Variants in ZFHX3 observed in about 807,000 individuals in gnomAD.
ZFHX3 encodes the protein zinc finger homeobox 3.
ZFHX3 carries 42 observed loss-of-function variants against 279.1 expected under a neutral mutation model. The ratio of observed to expected loss-of-function variants is 0.15; its 90% CI spans 0.12 to 0.19. The LOEUF is 0.19. Among genes scored for constraint, ZFHX3 ranks in the 10% least tolerant of loss-of-function variants. The probability of loss-of-function intolerance (pLI) is 1.00; values close to 1 mark genes in which losing one functional copy is unlikely to be tolerated. For missense variants in ZFHX3, 4,981 were observed against 4,754.0 expected (o/e 1.05, Z -1.40); for synonymous variants, 2,293 against 1,957.8 (o/e 1.17, Z -4.52).
chr16:72,935,213 C>A (rs933114772), intron 3 of ZFHX3, among the ~76,000 whole-genome samples: 1 of 152,156 alleles, frequency 6.6e-6, no homozygotes, highest in African/African-American at 2.4e-5. Context: ...GTGGCTTGTA[C>A]ATGGGACAGG....
Position 72,794,085 on chromosome 16 carries a change from T to G in ZFHX3, c.8597A>C (p.Lys2866Thr). 1 of 1,614,188 alleles carries G rather than the reference T, an allele frequency of 6.2e-7. No individual in the cohort carries two copies. The highest frequency in any genetic ancestry group is 8.5e-7 in the Non-Finnish European group (1 of 1,180,020). Residue 2866 changes from lysine to threonine, a missense_variant, in exon 9 of 10, where the codon AAA becomes ACA. By Grantham distance (78) the Lys-to-Thr change is moderately conservative (BLOSUM62 -1). Transcript: ENST00000268489. The surrounding 1 kb of genome is among the most constrained non-coding windows in gnomAD (Gnocchi z 4.2). ...CCCTTCGTTGGGTGCAGAAGAGGAT[T>G]TGGTTTCAGTTGCTATTCCCGTTGC... ...DSATGIATET[K>T]SSSAPNEGLT...
chr16:73,569,425 G>A (rs1477750268), intron 2 of ZFHX3, among the ~76,000 whole-genome samples: 2 of 149,888 alleles, frequency 1.3e-5, no homozygotes, highest in Admixed American at 1.3e-4. Context: ...TAAAAACTCC[G>A]AAAGAGATAC....
intron 4 of ZFHX3, among the ~76,000 whole-genome samples, chr16:73,290,040 C>T (rs1398783200): frequency 7.1e-6 from 1 of 140,380 alleles, no homozygotes; most frequent in East Asian, 1.9e-4. Context: ...CACACACACA[C>T]ACACACACAC....
chr16:73,514,155 G>T (rs1014411176), intron 2 of ZFHX3, among the ~76,000 whole-genome samples: 1 of 152,054 alleles, frequency 6.6e-6, no homozygotes, highest in African/African-American at 2.4e-5. Context: ...GGCTGAGGCA[G>T]AAGAATCCCT....
chr16:73,227,973 C>G (rs1335033804), intron 5 of ZFHX3, among the ~76,000 whole-genome samples: 4 of 149,202 alleles, frequency 2.7e-5, no homozygotes, highest in African/African-American at 9.9e-5. Context: ...ACACCTATAA[C>G]TTTATTTAAC....
At chr16:73,732,137 T>C (rs1220748769) in intron 1 of ZFHX3, among the ~76,000 whole-genome samples, 2 of 152,204 alleles carry the variant, frequency 1.3e-5, no homozygotes, top group East Asian at 1.9e-4. Flanking sequence ...TTCTAGACTA[T>C]GTAATATTCA....
rs186389447 is a variant in ZFHX3 at position 72,938,815 on chromosome 16, C to T, written c.3216+11654G>A. 2.4e-3 allele frequency among the ~76,000 whole-genome samples: 371 copies of T among 152,202 alleles called. 2 individuals are homozygous for T. The highest frequency in any genetic ancestry group is 4.5e-3 in the Admixed American group (69 of 15,282). On this transcript the variant is annotated intron_variant, in intron 3 of 9. Transcript: ENST00000268489. ...CTGGAGGAGTTGTTTGGTCTTCCTC[C>T]GCTGACAGCTGCAGCCATCACTAAT... is the stretch of plus-strand genomic sequence containing the variant.
Position 73,770,548 on chromosome 16 carries a change from GATAATAAT to G in ZFHX3, c.-1607-90316_-1607-90309del, listed in dbSNP as rs1454129620. On this transcript the variant is annotated intron_variant, in intron 1 of 17. Transcript: ENST00000641206. Reference sequence around the variant, plus strand: ...ATATCAATGTCAAACAAAACATTTAGATAATAATATCACTCTCAAGCATAAGAGTCATA... The same window carrying G: ...ATATCAATGTCAAACAAAACATTTAGATCACTCTCAAGCATAAGAGTCATA... Among the ~76,000 whole-genome samples, 6 of 152,260 alleles carry G rather than the reference GATAATAAT, an allele frequency of 3.9e-5. No homozygotes were observed. The East Asian group carries it at 9.6e-4, about 24-fold the overall frequency.
At chr16:73,321,849 C>G (rs985664442) in intron 3 of ZFHX3, among the ~76,000 whole-genome samples, 19 of 150,870 alleles carry the variant, frequency 1.3e-4, no homozygotes, top group Non-Finnish European at 2.1e-4. Context: ...GAGAAAAAGA[C>G]AGAGAGAGAG....
At chr16:73,417,361 G>A (rs1015125624) in intron 3 of ZFHX3, among the ~76,000 whole-genome samples, 22 of 147,682 alleles carry the variant, frequency 1.5e-4, no homozygotes, top group Non-Finnish European at 2.5e-4. Flanking sequence ...TATTAGTATT[G>A]TACCCATTAA....
chr16:73,801,633 G>C (rs1018712781), intron 1 of ZFHX3, among the ~76,000 whole-genome samples: 1 of 152,194 alleles, frequency 6.6e-6, no homozygotes, highest in Non-Finnish European at 1.5e-5. Flanking sequence ...TACAAAACAA[G>C]TGCAGAAGTC....
chr16:72,787,988 C>T lies in ZFHX3; in HGVS notation c.10288G>A (p.Glu3430Lys). 6.2e-7 allele frequency: 1 copy of T among 1,613,118 alleles called. No homozygotes were observed. The highest frequency in any genetic ancestry group is 8.5e-7 in the Non-Finnish European group (1 of 1,179,874). The stretch of plus-strand genomic sequence containing the variant: ...AGTTTCGGCAGGAGGGGGGACACCT[C>T]ACGGGGGGTGTTTTTCTGTTCTTCT... ...KPEEQKNTPR[E>K]VSPLLPKLPE... Residue 3430 changes from glutamate (E) to lysine (K), a missense_variant, in exon 10 of 10, where the codon GAG becomes AAG. Physicochemically the swap from Glu to Lys is moderately conservative, Grantham distance 56. Around this residue, in one of 7 missense-constraint regions of ZFHX3, gnomAD observed 1,034 missense variants for 786.0 expected, o/e 1.32. Transcript: ENST00000268489.
intron 3 of ZFHX3, among the ~76,000 whole-genome samples, chr16:73,384,918 G>A (rs2016872598): frequency 1.3e-5 from 2 of 152,174 alleles, no homozygotes; most frequent in African/African-American, 4.8e-5. Flanking sequence ...ACGTTACCCT[G>A]ATTGGTTCAG....
intron 3 of ZFHX3, among the ~76,000 whole-genome samples, chr16:73,339,659 T>G (rs1205049088): frequency 6.6e-6 from 1 of 152,216 alleles, no homozygotes; most frequent in African/African-American, 2.4e-5. Context: ...ACCATTGAGA[T>G]AAGCCAACTA....
At chr16:73,350,599 C>T (rs528507701) in intron 3 of ZFHX3, among the ~76,000 whole-genome samples, 6 of 152,338 alleles carry the variant, frequency 3.9e-5, no homozygotes, top group Non-Finnish European at 5.9e-5. Context: ...GAAGACTCAA[C>T]TGAGAGAGTT....
intron 4 of ZFHX3, among the ~76,000 whole-genome samples, chr16:73,275,447 C>T (rs919442392): frequency 1.3e-5 from 2 of 152,072 alleles, no homozygotes; most frequent in African/African-American, 4.8e-5. Flanking sequence ...ATCACATGGT[C>T]GTCTTTCACT....
chr16:73,102,487 T>C (rs9922507), intron 7 of ZFHX3, among the ~76,000 whole-genome samples: 3,979 of 152,332 alleles, frequency 0.026, 187 homozygotes, highest in African/African-American at 0.09. Flanking sequence ...TGAAAAATAT[T>C]TGTTGAATTG....
chr16:72,833,377 G>T (rs1348979986), intron 4 of ZFHX3, among the ~76,000 whole-genome samples: 3 of 152,164 alleles, frequency 2.0e-5, no homozygotes, highest in Admixed American at 2.0e-4. Context: ...GAAGTCACTG[G>T]TAACTGGCTG....
intron 2 of ZFHX3, among the ~76,000 whole-genome samples, chr16:73,466,690 C>G (rs2018578993): frequency 6.6e-6 from 1 of 152,190 alleles, no homozygotes; most frequent in Admixed American, 6.5e-5. Flanking sequence ...CTGGCACATT[C>G]TCTGTTCTCA....
Sources: gnomAD v4.1 joint callset for allele counts (sites outside exome capture counted in the v4.1 genomes callset) on GRCh38, gnomAD v4.1.1 for gene constraint, gnomAD v4.1.1 regional missense constraint, Gnocchi (gnomAD v3.1) non-coding constraint, MANE v1.5 for transcripts, NCBI Gene and HGNC (gene_info 2026-07-23, HGNC 2026-07-21) for gene names.